The following DENND6A variants were observed in gnomAD, a reference collection of about 807,000 sequenced individuals.
DENND6A encodes DENN domain containing 6A.
Under a neutral mutation model 95.5 loss-of-function variants are expected in DENND6A, and 43 were observed. That is an observed-to-expected ratio of 0.45 (90% CI 0.35 to 0.58). The LOEUF (loss-of-function observed/expected upper bound fraction) is 0.58. Ranked by LOEUF, DENND6A falls within the 20% of genes least tolerant of loss-of-function variation. The pLI is 0.00. For synonymous variants in DENND6A, 257 were observed against 260.4 expected, an observed-to-expected ratio of 0.99 and a Z score of 0.13; for missense variants, 574 against 736.0, an observed-to-expected ratio of 0.78 and a Z score of 2.55.
chr3:57,659,194 A>G lies in DENND6A; in HGVS notation c.700-14T>C. 6.2e-7 allele frequency: 1 copy of G among 1,613,748 alleles called. No individual in the cohort carries two copies. Among genetic ancestry groups the G allele is most frequent in the Non-Finnish European group, 8.5e-7 (1 of 1,179,718 alleles). ...GGGAATCCGTACCTAAAAGAAAGAC[A>G]GGAAATTATTTTTGGTTATAAAAGA... On this transcript the variant is annotated splice_polypyrimidine_tract_variant and intron_variant, in intron 7 of 19. Transcript: ENST00000311128.
At chr3:57,639,054 TG>T (rs747439597) in intron 12 of DENND6A, among the ~76,000 whole-genome samples, 5 of 152,068 alleles carry the variant, frequency 3.3e-5, no homozygotes, top group Non-Finnish European at 5.9e-5. Context: ...GCTATGATTG[TG>T]CCAATGCACT....
intron 1 of DENND6A, among the ~76,000 whole-genome samples, chr3:57,676,405 C>A (rs1575861214): frequency 7.1e-6 from 1 of 140,200 alleles, no homozygotes; most frequent in African/African-American, 2.6e-5. Context: ...AAAAGGCCTT[C>A]TCTTGCTGTT....
intron 3 of DENND6A, among the ~76,000 whole-genome samples, chr3:57,668,298 G>A (rs2071558443): frequency 6.6e-6 from 1 of 152,176 alleles, no homozygotes; most frequent in South Asian, 2.1e-4. Flanking sequence ...GTGTTGAGAC[G>A]AATATTGTCT....
At chr3:57,654,795 T>A (rs2071291349) in intron 9 of DENND6A, 3 of 984,614 alleles carry the variant, frequency 3.0e-6, no homozygotes. Flanking sequence ...CCTTTCTAGG[T>A]CTCTTTACTT....
intron 1 of DENND6A, among the ~76,000 whole-genome samples, chr3:57,682,507 T>G (rs991853470): frequency 4.6e-5 from 7 of 152,108 alleles, no homozygotes; most frequent in Non-Finnish European, 7.4e-5. Context: ...GGGAAATAAG[T>G]GATTTCTATT....
intron 1 of DENND6A, among the ~76,000 whole-genome samples, chr3:57,675,076 A>C (rs1303778942): frequency 1.3e-5 from 2 of 152,352 alleles, no homozygotes; most frequent in East Asian, 3.9e-4. Context: ...AACCCCTGAG[A>C]CATGAGTTTA....
chr3:57,625,903 T>C lies in DENND6A; in HGVS notation c.*2311A>G, dbSNP rs1249182906. ...TGAAATGATACATCCTGTAGTGGCA[T>C]AATTTAAAAGATCCTTGATATGACA... On this transcript the variant is annotated 3_prime_UTR_variant, in exon 20 of 20. Transcript: ENST00000311128. 1 of 152,604 alleles carries C rather than the reference T, an allele frequency of 6.6e-6. No homozygotes were observed. The highest frequency in any genetic ancestry group is 1.5e-5 in the Non-Finnish European group (1 of 68,044). The allele number at this position is 152,604 out of a possible 1,614,324, so 9.5% of individuals were successfully genotyped here. A position where few individuals can be genotyped will look rare whatever the true frequency, so the allele number is the denominator to read the frequency against.
intron 7 of DENND6A, 76 bp from the exon 8 acceptor site, chr3:57,659,256 A>AGC: frequency 6.7e-7 from 1 of 1,503,334 alleles, no homozygotes; most frequent in Middle Eastern, 1.7e-4. Flanking sequence ...GCTGCTAAAA[A>AGC]GGTATGGTCA....
rs749298232 is a variant in DENND6A at position 57,630,942 on chromosome 3, T to A, written c.1390A>T (p.Ser464Cys). The A allele has an allele frequency of 2.2e-5, 36 of 1,613,428 alleles. No homozygotes were observed. Among genetic ancestry groups the A allele is most frequent in the Non-Finnish European group, 1.1e-5 (13 of 1,179,884 alleles). ...ATTCATACCTTCCATGGGGAAATAC[T>A]TTTCTGCAAAGGCATCAAGCTTGCC... Reference protein sequence around the residue: ...YVASLMPLQKSISPWKSPPQL... With the variant: ...YVASLMPLQKCISPWKSPPQL... The change falls in exon 16 of 20, where the codon AGT becomes TGT. Residue 464 changes from serine to cysteine, a missense_variant. Physicochemically the swap from Ser to Cys is moderately radical, Grantham distance 112. Coordinates refer to ENST00000311128, the MANE Select transcript of DENND6A (RefSeq NM_152678.3).
intron 9 of DENND6A, among the ~76,000 whole-genome samples, chr3:57,656,852 G>C (rs753944498): frequency 6.6e-6 from 1 of 152,146 alleles, no homozygotes; most frequent in African/African-American, 2.4e-5. Flanking sequence ...CAGCTACTTG[G>C]GTGGCTGAGG....
chr3:57,664,272 T>C (rs887172712), intron 4 of DENND6A, among the ~76,000 whole-genome samples: 1 of 152,216 alleles, frequency 6.6e-6, no homozygotes, highest in Non-Finnish European at 1.5e-5. Context: ...GTGAATCTTA[T>C]ATAGTCAGTT....
At chr3:57,646,522 C>T in intron 9 of DENND6A, 84 bp from the exon 10 acceptor site, 1 of 1,464,994 alleles carries the variant, frequency 6.8e-7, no homozygotes, top group Non-Finnish European at 9.1e-7. Context: ...CTAAAAACTC[C>T]ACATTGATAT....
intron 14 of DENND6A, among the ~76,000 whole-genome samples, 195 bp from the exon 15 acceptor site, chr3:57,633,549 T>TA (rs751465668): frequency 6.6e-6 from 1 of 152,176 alleles, no homozygotes; most frequent in Non-Finnish European, 1.5e-5. Context: ...GAGCAAAACA[T>TA]AAGAGTTCTT....
intron 15 of DENND6A, 24 bp from the exon 16 acceptor site, chr3:57,631,002 A>G (rs2153411898): frequency 1.2e-6 from 2 of 1,604,816 alleles, no homozygotes; most frequent in East Asian, 4.5e-5. Context: ...AAAAGTTAAT[A>G]AAAGGAGTGT....
At chr3:57,689,505 T>A (rs2077241620) in intron 1 of DENND6A, among the ~76,000 whole-genome samples, 1 of 152,090 alleles carries the variant, frequency 6.6e-6, no homozygotes, top group Non-Finnish European at 1.5e-5. Flanking sequence ...GAAAAGAAGC[T>A]CAGCACACCC....
At position 57,627,982 on chromosome 3, in the gene DENND6A, G is replaced by A. The variant is rs2070568918; in HGVS notation, c.*232C>T. Reference sequence around the variant, plus strand: ...ACTTTAGAACATGATTAAAAATATAGAAATGCCTTTCGGTGTTTCAGTATT... The same window carrying A: ...ACTTTAGAACATGATTAAAAATATAAAAATGCCTTTCGGTGTTTCAGTATT... On this transcript the variant is annotated 3_prime_UTR_variant, in exon 20 of 20. Transcript: ENST00000311128. 2.2e-6 allele frequency: 1 copy of A among 444,834 alleles called. No homozygotes were observed. The highest frequency in any genetic ancestry group is 2.0e-5 in the African/African-American group (1 of 50,446). 27.6% of individuals were successfully genotyped at this position (444,834 alleles called of 1,614,324 possible).
At chr3:57,638,651 C>T (rs1015793162) in intron 12 of DENND6A, among the ~76,000 whole-genome samples, 10 of 151,548 alleles carry the variant, frequency 6.6e-5, no homozygotes, top group Non-Finnish European at 8.8e-5. Flanking sequence ...GGTGAGACTC[C>T]GTTTCAAAAA....
rs752248452 is a variant in DENND6A, at chr3:57,641,727, A to T, written c.1058T>A (p.Val353Glu). 6.2e-7 allele frequency: 1 copy of T among 1,613,354 alleles called. No individual in the cohort carries two copies. Among genetic ancestry groups the T allele is most frequent in the South Asian group, 1.1e-5 (1 of 91,030 alleles). ...TQAPPSVILG[V>E]TNPFFAKTLQ... ...TGTCTTAGCAAAAAAAGGGTTGGTT[A>T]CTCCTAATATAACTGAGGGCCTATA... Residue 353 changes from valine (V) to glutamate (E), a missense_variant, in exon 12 of 20, where the codon GTA becomes GAA. By Grantham distance (121) the Val-to-Glu change is moderately radical. Transcript: ENST00000311128.
intron 11 of DENND6A, among the ~76,000 whole-genome samples, chr3:57,645,219 T>C (rs1265810649): frequency 6.6e-6 from 1 of 152,098 alleles, no homozygotes; most frequent in African/African-American, 2.4e-5. Context: ...TCCCAGCACT[T>C]TGTGAGGCTG....
Sources: allele counts gnomAD v4.1 joint callset (sites outside exome capture counted in the v4.1 genomes callset), GRCh38; gene constraint gnomAD v4.1.1; transcripts MANE v1.5; gene names NCBI Gene and HGNC (gene_info 2026-07-23, HGNC 2026-07-21).